The following BCAS4 variants were observed in gnomAD, a reference collection of about 807,000 sequenced individuals.
BCAS4 encodes the protein breast carcinoma amplified sequence 4.
Under a neutral mutation model 15.7 loss-of-function variants are expected in BCAS4, and 9 were observed. The ratio of observed to expected loss-of-function variants is 0.57; its 90% CI spans 0.34 to 1.00. BCAS4 has a LOEUF of 1.00. Among genes scored for constraint, BCAS4 ranks in the 50% least tolerant of loss-of-function variants. The pLI, the probability that BCAS4 is intolerant of heterozygous loss-of-function variation, is 0.02. For synonymous variants in BCAS4, 101 were observed against 99.5 expected (o/e 1.02, Z -0.09); for missense variants, 225 against 239.1 (o/e 0.94, Z 0.39).
chr20:50,807,884 G>T (rs2088011261), intron 1 of BCAS4, among the ~76,000 whole-genome samples: 1 of 148,326 alleles, frequency 6.7e-6, no homozygotes, highest in Admixed American at 6.8e-5. Flanking sequence ...GTATCTATAT[G>T]TATATATGCC....
chr20:50,840,888 G>A, intron 3 of BCAS4: 1 of 702,658 alleles, frequency 1.4e-6, no homozygotes, highest in Non-Finnish European at 2.5e-6. Flanking sequence ...GGACTGCAAT[G>A]GCGCGATCTC....
At chr20:50,873,162 C>T (rs888647306) in intron 4 of BCAS4, among the ~76,000 whole-genome samples, 40 of 152,350 alleles carry the variant, frequency 2.6e-4, no homozygotes, top group Non-Finnish European at 4.6e-4. Context: ...GAGCTGCCGG[C>T]GGCCTCTCGC....
At chr20:50,840,762 G>C in intron 3 of BCAS4, 1 of 1,595,678 alleles carries the variant, frequency 6.3e-7, no homozygotes, top group East Asian at 2.2e-5. Context: ...TTACGGAGGA[G>C]AAGCGGAGCG....
At chr20:50,881,440 A>G (rs1310987448), downstream of BCAS4, 1 of 152,192 alleles carries the variant, frequency 6.6e-6, no homozygotes, top group East Asian at 1.9e-4. Flanking sequence ...GGGAAAATAT[A>G]TTTGCATCTC....
At chr20:50,873,595 C>G (rs971159969) in intron 4 of BCAS4, among the ~76,000 whole-genome samples, 3 of 152,336 alleles carry the variant, frequency 2.0e-5, no homozygotes, top group Non-Finnish European at 4.4e-5. Flanking sequence ...GGTTACCCAC[C>G]AGCGGCAGCC....
intron 4 of BCAS4, among the ~76,000 whole-genome samples, chr20:50,867,973 C>T (rs182719382): frequency 3.3e-5 from 5 of 152,236 alleles, no homozygotes; most frequent in East Asian, 3.9e-4. Flanking sequence ...TGAGCCACCA[C>T]GCCCAGCCTC....
At chr20:50,835,389 C>T (rs11905171) in intron 3 of BCAS4, among the ~76,000 whole-genome samples, 19,200 of 151,612 alleles carry the variant, frequency 0.13, 1,366 homozygotes, top group South Asian at 0.19. Context: ...GGACTATAGG[C>T]GCCTGCCACC....
intron 2 of BCAS4, among the ~76,000 whole-genome samples, chr20:50,823,349 A>G (rs1220034071): frequency 6.6e-6 from 1 of 151,146 alleles, no homozygotes; most frequent in Non-Finnish European, 1.5e-5. Flanking sequence ...CCCCGGCCCA[A>G]AAAAAAAAGA....
Position 50,876,666 on chromosome 20 carries a change from T to A in BCAS4, c.*58T>A. 1 of 1,556,282 alleles carries A rather than the reference T, an allele frequency of 6.4e-7. No homozygotes were observed. Among genetic ancestry groups the A allele is most frequent in the South Asian group, 1.2e-5 (1 of 81,814 alleles). ...AGTGACATTGTGTACACACTGCAGC[T>A]TGGGGGTTTTTTCTTTGTATTGCTG... is the stretch of plus-strand genomic sequence containing the variant. On this transcript the variant is annotated 3_prime_UTR_variant, in exon 5 of 5. Transcript: ENST00000371608.
At chr20:50,833,045 C>T (rs531822450) in intron 3 of BCAS4, 6 of 152,366 alleles carry the variant, frequency 3.9e-5, no homozygotes, top group Admixed American at 6.5e-5. Flanking sequence ...GAAGTAGCGA[C>T]GGAGGTATGG....
intron 4 of BCAS4, among the ~76,000 whole-genome samples, chr20:50,859,997 A>G (rs1266746643): frequency 6.6e-6 from 1 of 152,136 alleles, no homozygotes; most frequent in Non-Finnish European, 1.5e-5. Context: ...TTAGTTGGGC[A>G]TAGTAGCATA....
At chr20:50,796,915 C>T (rs1258731546) in intron 1 of BCAS4, among the ~76,000 whole-genome samples, 2 of 151,760 alleles carry the variant, frequency 1.3e-5, no homozygotes, top group Admixed American at 1.3e-4. Flanking sequence ...AATGTAGCCT[C>T]AACCTCCTGG....
At chr20:50,863,459 T>C (rs986121037) in intron 4 of BCAS4, among the ~76,000 whole-genome samples, 2 of 151,984 alleles carry the variant, frequency 1.3e-5, no homozygotes, top group African/African-American at 4.8e-5. Flanking sequence ...GGTTTCGCCA[T>C]GTTGGCCAGG....
At chr20:50,826,040 C>T (rs943436254) in intron 2 of BCAS4, among the ~76,000 whole-genome samples, 2 of 152,170 alleles carry the variant, frequency 1.3e-5, no homozygotes, top group African/African-American at 4.8e-5. Context: ...AGCCCATACC[C>T]CCAAGCTCAT....
chr20:50,871,083 G>A (rs1002216366), intron 4 of BCAS4, among the ~76,000 whole-genome samples: 1 of 152,254 alleles, frequency 6.6e-6, no homozygotes, highest in East Asian at 1.9e-4. Flanking sequence ...GAGGTGGGAC[G>A]TGGAGAGCTC....
At chr20:50,804,293 C>T (rs937182287) in intron 1 of BCAS4, among the ~76,000 whole-genome samples, 4 of 152,208 alleles carry the variant, frequency 2.6e-5, no homozygotes, top group African/African-American at 9.6e-5. Context: ...CCCGCCTGGG[C>T]CTCCCAAAGT....
intron 4 of BCAS4, among the ~76,000 whole-genome samples, chr20:50,849,258 G>A (rs78273080): frequency 0.037 from 5,685 of 152,334 alleles, 128 homozygotes; most frequent in Middle Eastern, 0.044. Flanking sequence ...TGCTTCCCAG[G>A]GAAGCTCTTT....
intron 4 of BCAS4, among the ~76,000 whole-genome samples, chr20:50,855,625 AGTCT>A (rs1978714993): frequency 6.6e-6 from 1 of 151,434 alleles, no homozygotes; most frequent in Non-Finnish European, 1.5e-5. Context: ...GACAGGTCTG[AGTCT>A]GTCTGCCGTC....
At chr20:50,823,539 T>C (rs2088242314) in intron 2 of BCAS4, among the ~76,000 whole-genome samples, 1 of 152,166 alleles carries the variant, frequency 6.6e-6, no homozygotes, top group South Asian at 2.1e-4. Flanking sequence ...AAAGAAGTCA[T>C]GGCCAGGCAT....
Sources: gnomAD v4.1 joint callset for allele counts (sites outside exome capture counted in the v4.1 genomes callset) on GRCh38, gnomAD v4.1.1 for gene constraint, MANE v1.5 for transcripts, NCBI Gene and HGNC (gene_info 2026-07-23, HGNC 2026-07-21) for gene names.